Variants in MYT1L observed in about 807,000 individuals in gnomAD.
MYT1L encodes the protein myelin transcription factor 1 like.
Under a neutral mutation model 126.7 loss-of-function variants are expected in MYT1L, and 12 were observed. The observed-to-expected ratio is 0.09, with a 90% CI of 0.06 to 0.15. MYT1L has a LOEUF of 0.15. Among genes scored for constraint, MYT1L ranks in the 10% least tolerant of loss-of-function variants. The pLI, the probability that MYT1L is intolerant of heterozygous loss-of-function variation, is 1.00. For missense variants in MYT1L, 979 were observed against 1,585.2 expected, an observed-to-expected ratio of 0.62 and a Z score of 6.49; for synonymous variants, 541 against 604.2, an observed-to-expected ratio of 0.90 and a Z score of 1.53.
At chr2:2,002,042 T>C (rs527289443) in intron 4 of MYT1L, among the ~76,000 whole-genome samples, 5 of 152,318 alleles carry the variant, frequency 3.3e-5, no homozygotes, top group African/African-American at 1.2e-4. Context: ...TTTGAAACCG[T>C]GATAAAATCA....
chr2:1,931,064 C>A (rs2054900178), intron 9 of MYT1L, among the ~76,000 whole-genome samples: 1 of 152,198 alleles, frequency 6.6e-6, no homozygotes, highest in South Asian at 2.1e-4. Flanking sequence ...TCTGCACACA[C>A]CCTGCATGTG....
At position 1,943,167 on chromosome 2, in the gene MYT1L, C is replaced by A; in HGVS notation, c.320G>T (p.Gly107Val). The change falls in exon 9 of 25, where the codon GGG (glycine) becomes GTG (valine). Residue 107 changes from glycine (G) to valine (V), a missense_variant. Coordinates refer to ENST00000647738, the MANE Select transcript of MYT1L (RefSeq NM_001303052.2). This position sits in a 1 kb window ranked among gnomAD's most constrained non-coding sequence, Gnocchi z 4.4. ...EDMDEKEEDE[G>V]EEYSEDNDEP... ...ATCATTGTCCTCGGAGTACTCCTCC[C>A]CCTCATCCTCCTCCTTCTCATCCAT... The A allele has an allele frequency of 6.5e-7, 1 of 1,546,352 alleles. No homozygotes were observed. Among genetic ancestry groups the A allele is most frequent in the Non-Finnish European group, 8.8e-7 (1 of 1,142,392 alleles).
At position 1,917,062 on chromosome 2, in the gene MYT1L, G is replaced by A; in HGVS notation, c.1618+143C>T. The A allele has an allele frequency of 9.2e-7, 1 of 1,086,808 alleles. No homozygotes were observed. Among genetic ancestry groups the A allele is most frequent in the Non-Finnish European group, 1.3e-6 (1 of 763,468 alleles). 67.3% of individuals were successfully genotyped at this position (1,086,808 alleles called of 1,614,324 possible). A position where few individuals can be genotyped will look rare whatever the true frequency, so the allele number is the denominator to read the frequency against. ...TGGCATGCCCACGAATCCTGGATCA[G>A]TTGCCCATCAAGTTAAGTAGGGGCC... On this transcript the variant is annotated intron_variant, in intron 11 of 24. Coordinates refer to ENST00000647738, the MANE Select transcript of MYT1L (RefSeq NM_001303052.2). The surrounding 1 kb of genome is among the most constrained non-coding windows in gnomAD (Gnocchi z 5.9).
intron 18 of MYT1L, among the ~76,000 whole-genome samples, chr2:1,881,860 A>C (rs1029968604): frequency 2.6e-5 from 4 of 152,222 alleles, no homozygotes; most frequent in African/African-American, 9.6e-5. Context: ...ACAAAGCAGC[A>C]CACTGAAGGT....
intron 4 of MYT1L, among the ~76,000 whole-genome samples, chr2:2,032,233 C>A (rs1404263339): frequency 6.1e-5 from 6 of 98,374 alleles, no homozygotes; most frequent in East Asian, 6.9e-4. Flanking sequence ...ACACCCTCGC[C>A]AGTGCCTCTC....
intron 2 of MYT1L, among the ~76,000 whole-genome samples, chr2:2,199,683 C>T (rs2092973035): frequency 6.6e-6 from 1 of 152,160 alleles, no homozygotes; most frequent in African/African-American, 2.4e-5. Context: ...GAGTTGGCTC[C>T]TCCTCACCTT....
chr2:1,948,669 G>A (rs776055927), intron 8 of MYT1L, among the ~76,000 whole-genome samples: 11 of 130,844 alleles, frequency 8.4e-5, no homozygotes, highest in South Asian at 2.4e-4. Flanking sequence ...TGGTGGTGCC[G>A]CCCAGCAACA....
chr2:1,920,096 G>A (rs1404320129), intron 10 of MYT1L, among the ~76,000 whole-genome samples: 3 of 152,162 alleles, frequency 2.0e-5, no homozygotes, highest in African/African-American at 7.2e-5. Context: ...TGACAGATAC[G>A]GAAATGAGCT....
chr2:2,286,283 G>A (rs559899392), intron 1 of MYT1L, among the ~76,000 whole-genome samples: 61 of 152,266 alleles, frequency 4.0e-4, no homozygotes, highest in African/African-American at 1.1e-3. Flanking sequence ...CACCCGGCCT[G>A]TTCTTCATTC....
intron 4 of MYT1L, among the ~76,000 whole-genome samples, chr2:2,049,225 G>C (rs1039164273): frequency 4.6e-5 from 7 of 152,162 alleles, no homozygotes; most frequent in African/African-American, 1.7e-4. Context: ...TAACGGCACT[G>C]AGTCATTAAA....
intron 1 of MYT1L, among the ~76,000 whole-genome samples, chr2:2,285,994 T>A (rs2095514669): frequency 6.6e-6 from 1 of 151,974 alleles, no homozygotes; most frequent in Non-Finnish European, 1.5e-5. Context: ...TCTTCCTTTT[T>A]TTTTGTGAGA....
intron 4 of MYT1L, among the ~76,000 whole-genome samples, chr2:2,015,643 A>G (rs1210657288): frequency 6.6e-6 from 1 of 152,204 alleles, no homozygotes; most frequent in Non-Finnish European, 1.5e-5. Context: ...CAGCTGTTTT[A>G]GAGATAGGGA....
At chr2:2,005,002 GCA>G (rs2063056961) in intron 4 of MYT1L, among the ~76,000 whole-genome samples, 1 of 146,504 alleles carries the variant, frequency 6.8e-6, no homozygotes, top group African/African-American at 2.7e-5. Flanking sequence ...GTTCTTTCCT[GCA>G]TGCCTTCTTT....
chr2:2,240,289 G>A (rs146136562), intron 2 of MYT1L, among the ~76,000 whole-genome samples: 277 of 151,056 alleles, frequency 1.8e-3, no homozygotes, highest in African/African-American at 6.6e-3. Flanking sequence ...GCGAAACTCC[G>A]TCTCTAAATA....
At chr2:2,056,254 T>A (rs2069539398) in intron 3 of MYT1L, among the ~76,000 whole-genome samples, 1 of 152,178 alleles carries the variant, frequency 6.6e-6, no homozygotes, top group South Asian at 2.1e-4. Flanking sequence ...TCCTGGCTCC[T>A]TTCCTGGGTC....
intron 3 of MYT1L, among the ~76,000 whole-genome samples, chr2:2,086,857 T>A (rs1373268407): frequency 1.3e-5 from 2 of 152,328 alleles, no homozygotes; most frequent in Admixed American, 6.5e-5. Flanking sequence ...GTCCCACACC[T>A]GCGCCACTGC....
At chr2:2,182,617 C>G (rs553831199) in intron 2 of MYT1L, among the ~76,000 whole-genome samples, 36 of 152,272 alleles carry the variant, frequency 2.4e-4, no homozygotes, top group Non-Finnish European at 4.9e-4. Flanking sequence ...GGCTTAGAAG[C>G]AGGCATTGCG....
chr2:1,805,751 T>C (rs1487923276), intron 22 of MYT1L, among the ~76,000 whole-genome samples: 1 of 152,116 alleles, frequency 6.6e-6, no homozygotes, highest in African/African-American at 2.4e-5. Context: ...CTGAGTGTGA[T>C]AGTGCACATC....
intron 1 of MYT1L, chr2:2,326,791 T>G (rs954488168): frequency 6.6e-6 from 1 of 152,240 alleles, no homozygotes. Flanking sequence ...CTCATTATGA[T>G]GTCAAAGCCA....
Sources: gnomAD v4.1 joint callset for allele counts (sites outside exome capture counted in the v4.1 genomes callset) on GRCh38, gnomAD v4.1.1 for gene constraint, Gnocchi (gnomAD v3.1) non-coding constraint, MANE v1.5 for transcripts, NCBI Gene and HGNC (gene_info 2026-07-23, HGNC 2026-07-21) for gene names.